Variants in MEF2C observed in about 807,000 individuals in gnomAD.
The protein encoded by MEF2C is myocyte enhancer factor 2C, also known as myocyte-specific enhancer factor 2C.
Under a neutral mutation model 50.5 loss-of-function variants are expected in MEF2C, and 6 were observed. The ratio of observed to expected loss-of-function variants is 0.12; its 90% confidence interval spans 0.07 to 0.23. MEF2C has a LOEUF of 0.23. Ranked by LOEUF, MEF2C falls within the 10% of genes least tolerant of loss-of-function variation. The pLI is 1.00. For missense variants in MEF2C, 276 were observed against 605.0 expected (o/e 0.46, Z 5.70); for synonymous variants, 183 against 228.0 (o/e 0.80, Z 1.78).
intron 3 of MEF2C, among the ~76,000 whole-genome samples, chr5:88,799,959 A>T (rs975689008): frequency 1.3e-5 from 2 of 151,674 alleles, no homozygotes; most frequent in Admixed American, 6.6e-5. Flanking sequence ...AAAAACCAAT[A>T]ATCCTCTACT....
rs1795211372 is a variant in MEF2C at position 88,794,564 on chromosome 5, G to C, written c.258+10034C>G. Among the ~76,000 whole-genome samples, 5 of 152,104 alleles carry C rather than the reference G, an allele frequency of 3.3e-5. No individual in the cohort carries two copies. In the South Asian group the frequency reaches 1.0e-3, roughly 32 times the overall value. ...TAGCCCTTTGTCAGAGGGATAGATT[G>C]CACAAATTTTCTTCCATTCTTTGGG... is the stretch of plus-strand genomic sequence containing the variant. On this transcript the variant is annotated intron_variant, in intron 3 of 10. Transcript: ENST00000504921.
intron 1 of MEF2C, among the ~76,000 whole-genome samples, chr5:88,842,008 C>T (rs1292490587): frequency 6.6e-6 from 1 of 152,134 alleles, no homozygotes; most frequent in Non-Finnish European, 1.5e-5. Context: ...TTTGAAATTT[C>T]TCCTATTCTC....
chr5:88,731,636 T>C, intron 7 of MEF2C, 93 bp downstream of exon 7: 1 of 1,127,138 alleles, frequency 8.9e-7, no homozygotes, highest in Non-Finnish European at 1.3e-6. Flanking sequence ...TCTGGGAGAA[T>C]GTTAAGTAAT....
At chr5:88,832,874 T>A (rs57783450) in intron 1 of MEF2C, among the ~76,000 whole-genome samples, 1,532 of 152,274 alleles carry the variant, frequency 0.01, 26 homozygotes, top group African/African-American at 0.036. Flanking sequence ...TGGTACTTGA[T>A]GCAGGCTGTC....
intron 1 of MEF2C, chr5:88,843,402 A>T (rs1407108357): frequency 1.0e-6 from 1 of 985,208 alleles, no homozygotes; most frequent in African/African-American, 1.7e-5. Flanking sequence ...ATTAAGCTAA[A>T]AAAATCAATC....
chr5:88,796,412 T>C (rs1796052430), intron 3 of MEF2C, among the ~76,000 whole-genome samples: 2 of 152,196 alleles, frequency 1.3e-5, no homozygotes, highest in African/African-American at 4.8e-5. Flanking sequence ...TTAGATTTTC[T>C]AGTTTATTTG....
chr5:88,883,168 C>T lies in MEF2C; in HGVS notation c.-356G>A, dbSNP rs995548115. On this transcript the variant is annotated 5_prime_UTR_variant, in exon 1 of 11. Coordinates refer to ENST00000504921, the MANE Select transcript of MEF2C (RefSeq NM_002397.5). The stretch of plus-strand genomic sequence containing the variant: ...AGATGTCTGGGTGTACGCGTGTGCT[C>T]AAGTGTCTGTGACTGCGAGCAGAGC... 2 of 149,544 alleles carry T rather than the reference C, an allele frequency of 1.3e-5. No individual in the cohort carries two copies. The highest frequency in any genetic ancestry group is 2.5e-5 in the African/African-American group (1 of 40,664). The allele number at this position is 149,544 out of a possible 1,614,324, so 9.3% of individuals were successfully genotyped here.
intron 1 of MEF2C, among the ~76,000 whole-genome samples, chr5:88,835,581 G>C (rs946156952): frequency 6.6e-6 from 1 of 152,052 alleles, no homozygotes; most frequent in Admixed American, 6.6e-5. Flanking sequence ...AGAGGCCGAG[G>C]CATGTGGATC....
intron 1 of MEF2C, chr5:88,844,658 T>A: frequency 1.4e-6 from 1 of 720,334 alleles, no homozygotes; most frequent in Non-Finnish European, 1.7e-6. Context: ...TGATTCAAAT[T>A]ATATTTCTTA....
intron 4 of MEF2C, among the ~76,000 whole-genome samples, chr5:88,759,301 G>C (rs1245324024): frequency 6.6e-6 from 1 of 152,182 alleles, no homozygotes; most frequent in African/African-American, 2.4e-5. Flanking sequence ...TGACCAACAT[G>C]GAGAAATTCC....
Position 88,717,584 on chromosome 5 carries a change from C to T in MEF2C, c.*5020G>A, listed in dbSNP as rs139610177. On this transcript the variant is annotated 3_prime_UTR_variant, in exon 11 of 11. Coordinates refer to ENST00000504921, the MANE Select transcript of MEF2C (RefSeq NM_002397.5). Reference sequence around the variant, plus strand: ...TTTGAAGCCACATGCAACATTTCCTCGAACTGCATTCTTTTTGGAGCAGAT... The same window carrying T: ...TTTGAAGCCACATGCAACATTTCCTTGAACTGCATTCTTTTTGGAGCAGAT... 1.1e-4 allele frequency: 16 copies of T among 152,324 alleles called. No individual in the cohort carries two copies. The highest frequency in any genetic ancestry group is 3.9e-4 in the East Asian group (2 of 5,186). The allele number at this position is 152,324 out of a possible 1,614,324, so 9.4% of individuals were successfully genotyped here.
At chr5:88,872,402 C>T (rs542895636) in intron 1 of MEF2C, among the ~76,000 whole-genome samples, 248 of 151,956 alleles carry the variant, frequency 1.6e-3, no homozygotes, top group South Asian at 0.011. Flanking sequence ...AACATCAAAT[C>T]TGTGAAAGGT....
chr5:88,848,171 A>G (rs960449887), intron 1 of MEF2C, among the ~76,000 whole-genome samples: 2 of 152,206 alleles, frequency 1.3e-5, no homozygotes, highest in African/African-American at 4.8e-5. Context: ...ATAATTTGCC[A>G]TTTAAAAAAA....
At position 88,787,323 on chromosome 5, in the gene MEF2C, T is replaced by C. The variant is rs975943393; in HGVS notation, c.258+17275A>G. 4.6e-5 allele frequency among the ~76,000 whole-genome samples: 7 copies of C among 152,222 alleles called. 1 individual carries two copies. Among genetic ancestry groups the C allele is most frequent in the Admixed American group, 4.6e-4 (7 of 15,274 alleles). ...CATTTTTTCTTCTCTGAACTTTTTC[T>C]CTTGACTTTGAAAATAAAACTAATT... On this transcript the variant is annotated intron_variant, in intron 3 of 10. Coordinates refer to ENST00000504921, the MANE Select transcript of MEF2C (RefSeq NM_002397.5).
chr5:88,751,160 A>C (rs1325574512), intron 5 of MEF2C: 2 of 956,472 alleles, frequency 2.1e-6, no homozygotes, highest in Non-Finnish European at 2.5e-6. Flanking sequence ...ACAATTCATC[A>C]TAATGTATTT....
intron 2 of MEF2C, among the ~76,000 whole-genome samples, chr5:88,820,681 G>A (rs1581201044): frequency 6.6e-6 from 1 of 152,008 alleles, no homozygotes; most frequent in Non-Finnish European, 1.5e-5. Flanking sequence ...GTCTACAGTG[G>A]GGCAGCTTCA....
intron 1 of MEF2C, among the ~76,000 whole-genome samples, chr5:88,827,879 G>T (rs1811538798): frequency 6.7e-6 from 1 of 149,880 alleles, no homozygotes; most frequent in Admixed American, 6.7e-5. Flanking sequence ...AATGCATGCT[G>T]GTAAAATATG....
rs76160808 is a variant in MEF2C at position 88,815,391 on chromosome 5, C to T, written c.54+8344G>A. On this transcript the variant is annotated intron_variant, in intron 2 of 10. Transcript: ENST00000504921. ...TCCTTGCAAGACAGAAGGCTGTCTCCCTTATAGTTTCCAAACAGTTACATT... is the reference window on the plus strand; with the variant it reads ...TCCTTGCAAGACAGAAGGCTGTCTCTCTTATAGTTTCCAAACAGTTACATT... 4.1e-3 allele frequency among the ~76,000 whole-genome samples: 625 copies of T among 151,976 alleles called. 6 individuals are homozygous for T. The highest frequency in any genetic ancestry group is 0.015 in the African/African-American group (607 of 41,504).
intron 3 of MEF2C, among the ~76,000 whole-genome samples, chr5:88,790,388 G>C (rs978586718): frequency 2.6e-5 from 4 of 152,170 alleles, no homozygotes; most frequent in African/African-American, 9.7e-5. Flanking sequence ...CAGAAATAAA[G>C]GGATCCTGGG....
Sources: allele counts gnomAD v4.1 joint callset (sites outside exome capture counted in the v4.1 genomes callset), GRCh38; gene constraint gnomAD v4.1.1; transcripts MANE v1.5; gene names NCBI Gene and HGNC (gene_info 2026-07-23, HGNC 2026-07-21).